Variants in PDE4D observed in about 807,000 individuals in gnomAD.
PDE4D encodes phosphodiesterase 4D.
In PDE4D, 24 loss-of-function variants were observed where a neutral mutation model predicts 87.4. The ratio of observed to expected loss-of-function variants is 0.27; its 90% CI spans 0.20 to 0.39. The LOEUF (loss-of-function observed/expected upper bound fraction) is 0.39, where lower values mean the gene tolerates loss of function less well. PDE4D is among the 10% of genes least tolerant of loss of function. PDE4D has a pLI of 1.00. For synonymous variants in PDE4D, 384 were observed against 383.2 expected, an observed-to-expected ratio of 1.00 and a Z score of -0.02; for missense variants, 714 against 1,041.0, an observed-to-expected ratio of 0.69 and a Z score of 4.32.
chr5:59,441,867 T>C (rs1210588346), intron 1 of PDE4D, among the ~76,000 whole-genome samples: 1 of 152,232 alleles, frequency 6.6e-6, no homozygotes, highest in African/African-American at 2.4e-5. Flanking sequence ...TATATTTGTT[T>C]GATTGGATGA....
intron 1 of PDE4D, among the ~76,000 whole-genome samples, chr5:59,373,904 A>G (rs982171464): frequency 6.6e-6 from 1 of 152,210 alleles, no homozygotes; most frequent in Admixed American, 6.5e-5. Flanking sequence ...ATTCCAACCA[A>G]CAATTTCATA....
intron 1 of PDE4D, among the ~76,000 whole-genome samples, chr5:59,523,007 T>C (rs1436447002): frequency 6.6e-6 from 1 of 152,236 alleles, no homozygotes; most frequent in Non-Finnish European, 1.5e-5. Context: ...CTCAATTAGC[T>C]TATAATTTAA....
At chr5:60,455,131 A>G (rs1211441979) in intron 1 of PDE4D, among the ~76,000 whole-genome samples, 1 of 152,212 alleles carries the variant, frequency 6.6e-6, no homozygotes, top group Non-Finnish European at 1.5e-5. Flanking sequence ...AAATTCTTGC[A>G]TGCATTTTTT....
chr5:60,076,534 G>A (rs1209507477), intron 2 of PDE4D, among the ~76,000 whole-genome samples: 2 of 152,158 alleles, frequency 1.3e-5, no homozygotes, highest in Non-Finnish European at 2.9e-5. Flanking sequence ...GGTGTTTCAT[G>A]GTGGTATAAG....
At chr5:59,787,315 C>T (rs1471633541) in intron 1 of PDE4D, among the ~76,000 whole-genome samples, 2 of 152,172 alleles carry the variant, frequency 1.3e-5, no homozygotes, top group East Asian at 3.9e-4. Flanking sequence ...TGCCGACATG[C>T]CATGTCCATT....
intron 11 of PDE4D, among the ~76,000 whole-genome samples, 181 bp downstream of exon 11, chr5:58,988,312 C>T (rs1746976623): frequency 6.6e-6 from 1 of 151,996 alleles, no homozygotes; most frequent in Admixed American, 6.6e-5. Flanking sequence ...TATCACATGC[C>T]TCAAGGGATA....
At chr5:60,345,336 T>C (rs759625606) in intron 1 of PDE4D, among the ~76,000 whole-genome samples, 86 of 152,046 alleles carry the variant, frequency 5.7e-4, no homozygotes, top group Non-Finnish European at 1.0e-3. Flanking sequence ...TTAGGAGATA[T>C]ACCTAATGTA....
chr5:60,081,816 T>C (rs1773987820), intron 2 of PDE4D, among the ~76,000 whole-genome samples: 1 of 152,176 alleles, frequency 6.6e-6, no homozygotes, highest in African/African-American at 2.4e-5. Flanking sequence ...GGTCTGCCAT[T>C]AGTCTGATGG....
intron 5 of PDE4D, among the ~76,000 whole-genome samples, chr5:59,079,029 TA>T (rs1239913270): frequency 1.3e-5 from 2 of 152,172 alleles, no homozygotes; most frequent in African/African-American, 4.8e-5. Flanking sequence ...ACCTTGATTT[TA>T]GATTTCCCAG....
chr5:60,378,722 G>A (rs1485102130), intron 1 of PDE4D, among the ~76,000 whole-genome samples: 1 of 151,926 alleles, frequency 6.6e-6, no homozygotes, highest in Non-Finnish European at 1.5e-5. Context: ...GCATGGTGGT[G>A]CCCATCTGTA....
intron 11 of PDE4D, among the ~76,000 whole-genome samples, chr5:58,978,127 T>G (rs182831023): frequency 5.9e-5 from 9 of 152,286 alleles, no homozygotes; most frequent in African/African-American, 1.9e-4. Context: ...TTAAAAAACT[T>G]TTGATGCTTT....
intron 2 of PDE4D, among the ~76,000 whole-genome samples, chr5:60,168,587 AT>A (rs1562176950): frequency 6.6e-6 from 1 of 152,188 alleles, no homozygotes; most frequent in Non-Finnish European, 1.5e-5. Context: ...CTTCCAGTGA[AT>A]ACCACGGATG....
intron 2 of PDE4D, among the ~76,000 whole-genome samples, chr5:59,989,577 C>G (rs182653660): frequency 3.3e-5 from 5 of 152,118 alleles, no homozygotes; most frequent in African/African-American, 1.2e-4. Flanking sequence ...AAAAAAAAGA[C>G]TTTAAAAGAA....
At chr5:59,522,042 TA>T (rs1259532596) in intron 1 of PDE4D, among the ~76,000 whole-genome samples, 1 of 152,240 alleles carries the variant, frequency 6.6e-6, no homozygotes, top group Non-Finnish European at 1.5e-5. Flanking sequence ...GGTTTGAAAT[TA>T]TTATAGAACA....
At chr5:59,815,152 G>A (rs745687868) in intron 1 of PDE4D, among the ~76,000 whole-genome samples, 12 of 152,162 alleles carry the variant, frequency 7.9e-5, no homozygotes, top group Admixed American at 3.9e-4. Context: ...AATAATAGGC[G>A]CAAGTCCCTG....
intron 1 of PDE4D, among the ~76,000 whole-genome samples, chr5:60,339,332 C>T (rs1161607504): frequency 1.3e-5 from 2 of 152,054 alleles, no homozygotes; most frequent in Non-Finnish European, 2.9e-5. Context: ...TTCCATACCT[C>T]GAAGGTGGAT....
chr5:60,304,489 C>G (rs1207755556), intron 1 of PDE4D, among the ~76,000 whole-genome samples: 1 of 150,084 alleles, frequency 6.7e-6, no homozygotes, highest in East Asian at 2.0e-4. Flanking sequence ...ACTAAAAATA[C>G]AAAAAATTAG....
At chr5:59,228,652 A>C (rs1282441548) in intron 1 of PDE4D, among the ~76,000 whole-genome samples, 4 of 152,090 alleles carry the variant, frequency 2.6e-5, no homozygotes, top group African/African-American at 9.7e-5. Context: ...TCCTCCTAAA[A>C]TGTAAGCCCA....
intron 1 of PDE4D, among the ~76,000 whole-genome samples, chr5:59,294,227 T>C (rs145385383): frequency 1.3e-5 from 2 of 152,066 alleles, no homozygotes; most frequent in Non-Finnish European, 2.9e-5. Context: ...TTTAAGGGAA[T>C]GAAGAGTAAA....
Sources: gnomAD v4.1 joint callset for allele counts (sites outside exome capture counted in the v4.1 genomes callset) on GRCh38, gnomAD v4.1.1 for gene constraint, MANE v1.5 for transcripts, NCBI Gene and HGNC (gene_info 2026-07-23, HGNC 2026-07-21) for gene names.